PRKCH: variants seen among roughly 807,000 people sequenced by gnomAD.
PRKCH encodes protein kinase C eta type.
In PRKCH, 28 loss-of-function variants were observed where a neutral mutation model predicts 82.5. The ratio of observed to expected loss-of-function variants is 0.34; its 90% CI spans 0.25 to 0.47. The LOEUF is 0.47. PRKCH is among the 20% of genes least tolerant of loss of function. The probability of loss-of-function intolerance (pLI) is 1.00; values close to 1 mark genes in which losing one functional copy is unlikely to be tolerated. For synonymous variants in PRKCH, 322 were observed against 327.4 expected (o/e 0.98, Z 0.18); for missense variants, 705 against 881.8 (o/e 0.80, Z 2.54).
intron 10 of PRKCH, among the ~76,000 whole-genome samples, chr14:61,487,043 T>C (rs2140332284): frequency 6.6e-6 from 1 of 152,286 alleles, no homozygotes; most frequent in South Asian, 2.1e-4. Flanking sequence ...GGAGTCAAAA[T>C]AGGAAGAGAA....
intron 10 of PRKCH, among the ~76,000 whole-genome samples, chr14:61,511,190 C>G (rs1887361026): frequency 6.6e-6 from 1 of 152,158 alleles, no homozygotes; most frequent in African/African-American, 2.4e-5. Context: ...GTGAGTTTTC[C>G]TTGGCACTAG....
chr14:61,496,733 G>C (rs1284808131), intron 10 of PRKCH, among the ~76,000 whole-genome samples: 4 of 152,202 alleles, frequency 2.6e-5, no homozygotes, highest in Non-Finnish European at 4.4e-5. Context: ...GTGTTCTTAG[G>C]TGTTCATGGA....
chr14:61,239,009 T>A (rs2044813177), intron 1 of PRKCH, among the ~76,000 whole-genome samples: 1 of 152,210 alleles, frequency 6.6e-6, no homozygotes, highest in Non-Finnish European at 1.5e-5. Flanking sequence ...CTGCTGTAAC[T>A]GGAGTGTTCC....
upstream of PRKCH, among the ~76,000 whole-genome samples, chr14:61,320,133 G>A (rs868865748): frequency 6.6e-6 from 1 of 152,022 alleles, no homozygotes; most frequent in Non-Finnish European, 1.5e-5. Context: ...TGGAGGTTAT[G>A]GTAAGCCATG....
intron 5 of PRKCH, among the ~76,000 whole-genome samples, chr14:61,449,856 G>GTCTCTC (rs149977373): frequency 2.5e-4 from 35 of 142,404 alleles, no homozygotes; most frequent in African/African-American, 9.5e-4. Flanking sequence ...CAGGGAAGAT[G>GTCTCTC]TCTCTCTCTC....
chr14:61,280,228 ATGC>A lies in PRKCH; in HGVS notation c.-19+92566_-19+92568del, dbSNP rs2045244741. 1 of 1,614,110 alleles carries A rather than the reference ATGC, an allele frequency of 6.2e-7. No homozygotes were observed. Among genetic ancestry groups the A allele is most frequent in the Non-Finnish European group, 8.5e-7 (1 of 1,180,012 alleles). ...GGGGTTCTTGCCACCCATCCACGAG[ATGC>A]TGCTGAAGATGAGGAGCTTGTGGCC... On this transcript the variant is annotated intron_variant, in intron 1 of 3. Transcript: ENST00000555185. The surrounding 1 kb of genome is among the most constrained non-coding windows in gnomAD (Gnocchi z 5.0).
intron 9 of PRKCH, among the ~76,000 whole-genome samples, chr14:61,469,948 G>A (rs1365940857): frequency 1.3e-5 from 2 of 151,992 alleles, no homozygotes; most frequent in African/African-American, 4.8e-5. Context: ...TCATGAAACT[G>A]ACATTCTTTG....
intron 1 of PRKCH, among the ~76,000 whole-genome samples, chr14:61,342,283 T>G (rs2045938600): frequency 6.6e-6 from 1 of 152,046 alleles, no homozygotes; most frequent in Admixed American, 6.6e-5. Context: ...GCATATAATA[T>G]GATCAACCTA....
At chr14:61,350,960 A>G (rs928134664) in intron 1 of PRKCH, among the ~76,000 whole-genome samples, 3 of 152,218 alleles carry the variant, frequency 2.0e-5, no homozygotes, top group Admixed American at 6.5e-5. Context: ...AATCAAGGAA[A>G]CAAGTAGTTC....
At chr14:61,448,081 A>C (rs1036544574) in intron 4 of PRKCH, among the ~76,000 whole-genome samples, 1 of 152,200 alleles carries the variant, frequency 6.6e-6, no homozygotes, top group Non-Finnish European at 1.5e-5. Flanking sequence ...CAAAAAATAA[A>C]GTATTTCTGT....
intron 1 of PRKCH, among the ~76,000 whole-genome samples, chr14:61,253,003 G>A (rs1037558561): frequency 6.6e-6 from 1 of 152,168 alleles, no homozygotes; most frequent in Non-Finnish European, 1.5e-5. Context: ...AGCGCTGCTC[G>A]GCCTTAGCAG....
intron 12 of PRKCH, among the ~76,000 whole-genome samples, chr14:61,547,178 A>G (rs1017075876): frequency 2.6e-5 from 4 of 152,212 alleles, no homozygotes; most frequent in African/African-American, 9.6e-5. Context: ...CGCTGCATAA[A>G]GAAAAGTGGC....
intron 2 of PRKCH, among the ~76,000 whole-genome samples, chr14:61,434,760 G>C (rs1216380248): frequency 6.6e-6 from 1 of 152,142 alleles, no homozygotes; most frequent in African/African-American, 2.4e-5. Context: ...AGTGGCTCAT[G>C]CCTGTAATCT....
chr14:61,280,916 C>A lies in PRKCH; in HGVS notation c.-19+93248C>A, dbSNP rs769453944. The A allele has an allele frequency of 1.9e-6, 3 of 1,545,052 alleles. No homozygotes were observed. Among genetic ancestry groups the A allele is most frequent in the Non-Finnish European group, 2.6e-6 (3 of 1,150,024 alleles). On this transcript the variant is annotated intron_variant, in intron 1 of 3. Coordinates refer to the PRKCH transcript ENST00000555185. The surrounding 1 kb of genome is among the most constrained non-coding windows in gnomAD (Gnocchi z 5.0). ...CGGCCCTGGCCAGCCGCGGCGCACA[C>A]CGAGCAGTTACCGGTGCCCGGGTCG...
intron 10 of PRKCH, among the ~76,000 whole-genome samples, chr14:61,512,917 C>T (rs932146631): frequency 3.4e-5 from 5 of 149,190 alleles, no homozygotes; most frequent in Admixed American, 1.3e-4. Context: ...CCTGGATTCA[C>T]GTGATCCTTC....
chr14:61,202,789 G>A (rs77701175), intron 1 of PRKCH, among the ~76,000 whole-genome samples: 4 of 151,904 alleles, frequency 2.6e-5, no homozygotes, highest in Non-Finnish European at 4.4e-5. Flanking sequence ...TTATCCTCAC[G>A]CCCTCCTCCC....
chr14:61,426,911 G>A (rs1047203302), intron 2 of PRKCH, among the ~76,000 whole-genome samples: 1 of 152,164 alleles, frequency 6.6e-6, no homozygotes, highest in African/African-American at 2.4e-5. Flanking sequence ...GGGGAAATAC[G>A]TGCACTCTTT....
intron 1 of PRKCH, among the ~76,000 whole-genome samples, chr14:61,227,334 C>T (rs1473389721): frequency 1.3e-5 from 2 of 152,222 alleles, no homozygotes; most frequent in Non-Finnish European, 2.9e-5. Flanking sequence ...GTGGCTCACG[C>T]CTGTAATCCC....
intron 1 of PRKCH, among the ~76,000 whole-genome samples, chr14:61,188,618 G>A (rs2044385830): frequency 5.8e-5 from 2 of 34,338 alleles, no homozygotes; most frequent in African/African-American, 2.1e-4. Context: ...TGTGGTGTGT[G>A]TGTGTGTGTG....
Sources: allele counts gnomAD v4.1 joint callset (sites outside exome capture counted in the v4.1 genomes callset), GRCh38; gene constraint gnomAD v4.1.1; non-coding constraint Gnocchi (gnomAD v3.1); transcripts MANE v1.5; gene names NCBI Gene and HGNC (gene_info 2026-07-23, HGNC 2026-07-21).